The following KLHL24 variants were observed in gnomAD, a reference collection of about 807,000 sequenced individuals.
The protein encoded by KLHL24 is kelch like family member 24.
In KLHL24, 29 loss-of-function variants were observed where a neutral mutation model predicts 53.4. The observed-to-expected ratio is 0.54, with a 90% CI of 0.40 to 0.74. The LOEUF is 0.74. KLHL24 is among the 30% of genes least tolerant of loss of function. KLHL24 has a pLI of 0.00. For synonymous variants in KLHL24, 222 were observed against 253.7 expected, an observed-to-expected ratio of 0.88 and a Z score of 1.19; for missense variants, 504 against 744.0, an observed-to-expected ratio of 0.68 and a Z score of 3.75.
intron 1 of KLHL24, among the ~76,000 whole-genome samples, chr3:183,642,718 T>G (rs977790951): frequency 2.0e-5 from 3 of 151,948 alleles, no homozygotes; most frequent in Admixed American, 6.6e-5. Context: ...ATTTATATAT[T>G]AAAAGATAAA....
chr3:183,642,523 GTT>G (rs1716589728), intron 1 of KLHL24, among the ~76,000 whole-genome samples: 1 of 139,986 alleles, frequency 7.1e-6, no homozygotes. Context: ...AACCACTTGT[GTT>G]TAAATACTAT....
intron 2 of KLHL24, among the ~76,000 whole-genome samples, chr3:183,645,503 T>G (rs1717100992): frequency 6.6e-6 from 1 of 152,240 alleles, no homozygotes; most frequent in South Asian, 2.1e-4. Flanking sequence ...TATGGGCAAC[T>G]GTAACCCAAG....
chr3:183,674,808 GGTACCTT>G (rs995788418), intron 7 of KLHL24, among the ~76,000 whole-genome samples: 3 of 152,068 alleles, frequency 2.0e-5, no homozygotes, highest in Admixed American at 6.6e-5. Context: ...CTTTACCTCA[GGTACCTT>G]AAGTATCTGT....
chr3:183,653,462 T>G (rs11917105), intron 3 of KLHL24, among the ~76,000 whole-genome samples: 50,890 of 152,060 alleles, frequency 0.33, 9,373 homozygotes, highest in African/African-American at 0.49. Context: ...TTGACTTTTA[T>G]TTATGCTGCT....
intron 2 of KLHL24, among the ~76,000 whole-genome samples, chr3:183,644,835 T>C (rs1716998191): frequency 6.6e-6 from 1 of 152,256 alleles, no homozygotes; most frequent in South Asian, 2.1e-4. Context: ...TTTTTCTACT[T>C]GTCCATTCTA....
Position 183,658,261 on chromosome 3 carries a change from A to G in KLHL24, c.921-5197A>G, listed in dbSNP as rs563338588. 2.6e-5 allele frequency among the ~76,000 whole-genome samples: 4 copies of G among 151,794 alleles called. No individual in the cohort carries two copies. In the South Asian group the frequency reaches 8.3e-4, roughly 32 times the overall value. On this transcript the variant is annotated intron_variant, in intron 3 of 7. Coordinates refer to ENST00000242810, the MANE Select transcript of KLHL24 (RefSeq NM_017644.3). Reference sequence around the variant, plus strand: ...CATAGTTGTAGATGAATGCCTCCCTACTTCTTTTATGCAGATAGTAGGGTA... The same window carrying G: ...CATAGTTGTAGATGAATGCCTCCCTGCTTCTTTTATGCAGATAGTAGGGTA...
rs535397874 is a variant in KLHL24 at position 183,664,318 on chromosome 3, C to T, written c.1106-603C>T. Among the ~76,000 whole-genome samples, 26 of 152,158 alleles carry T rather than the reference C, an allele frequency of 1.7e-4. No homozygotes were observed. In the South Asian group the frequency reaches 2.7e-3, roughly 16 times the overall value. On this transcript the variant is annotated intron_variant, in intron 4 of 7. Transcript: ENST00000242810. ...TTCACCCATGTTTTCTGAAATTCTCCGCAAAGTTTATGAAATAAGATTTGC... is the reference window on the plus strand; with the variant it reads ...TTCACCCATGTTTTCTGAAATTCTCTGCAAAGTTTATGAAATAAGATTTGC...
rs775701484 is a variant in KLHL24, at chr3:183,664,949, G to T, written c.1134G>T (p.Trp378Cys). The change falls in exon 5 of 8, where the codon TGG becomes TGT. Residue 378 changes from tryptophan (W) to cysteine (C), a missense_variant. Coordinates refer to ENST00000242810, the MANE Select transcript of KLHL24 (RefSeq NM_017644.3). ...SGGRINSRDVWIYNSQLNIWI... is the reference protein window; with the variant it reads ...SGGRINSRDVCIYNSQLNIWI... ...GAAGAATCAACAGCCGTGATGTCTG[G>T]ATTTATAACTCACAGTTAAATATTT... is the stretch of plus-strand genomic sequence containing the variant. The T allele has an allele frequency of 6.2e-7, 1 of 1,611,132 alleles. No homozygotes were observed. Among genetic ancestry groups the T allele is most frequent in the African/African-American group, 1.3e-5 (1 of 75,014 alleles).
chr3:183,672,229 AT>A (rs1721424611), intron 6 of KLHL24, 66 bp from the exon 7 acceptor site: 1 of 780,430 alleles, frequency 1.3e-6, no homozygotes. Context: ...GTATTGGTAG[AT>A]TCTTTATTAA....
chr3:183,651,279 G>T lies in KLHL24; in HGVS notation c.920+3G>T. ...TCCCCAAGGACTAGGCCACGCAGGTGAGAAGACTGTTTTCAAATATAGTTA... is the reference window on the plus strand; with the variant it reads ...TCCCCAAGGACTAGGCCACGCAGGTTAGAAGACTGTTTTCAAATATAGTTA... On this transcript the variant is annotated splice_donor_region_variant and intron_variant, in intron 3 of 7. Transcript: ENST00000242810. The T allele has an allele frequency of 6.2e-7, 1 of 1,602,542 alleles. No homozygotes were observed. Among genetic ancestry groups the T allele is most frequent in the South Asian group, 1.1e-5 (1 of 89,944 alleles).
rs1718060881 is a variant in KLHL24, at chr3:183,651,143, A to G, written c.787A>G (p.Asn263Asp). 6.2e-7 allele frequency: 1 copy of G among 1,614,024 alleles called. No individual in the cohort carries two copies. Among genetic ancestry groups the G allele is most frequent in the Non-Finnish European group, 8.5e-7 (1 of 1,180,020 alleles). ...THVRLPLLHP[N>D]YFVQTVEVDQ... ...TGTGAGACTCCCTCTGTTGCATCCCAACTACTTTGTTCAAACAGTTGAAGT... is the reference window on the plus strand; with the variant it reads ...TGTGAGACTCCCTCTGTTGCATCCCGACTACTTTGTTCAAACAGTTGAAGT... Residue 263 changes from asparagine to aspartate, a missense_variant, in exon 3 of 8, where the codon AAC (asparagine) becomes GAC (aspartate). Asn to Asp is a conservative substitution (Grantham distance 23). Coordinates refer to ENST00000242810, the MANE Select transcript of KLHL24 (RefSeq NM_017644.3).
intron 3 of KLHL24, among the ~76,000 whole-genome samples, chr3:183,662,067 A>T (rs1719877825): frequency 6.6e-6 from 1 of 152,152 alleles, no homozygotes; most frequent in African/African-American, 2.4e-5. Context: ...GGAAAATAGT[A>T]AATATTACTG....
At chr3:183,665,885 C>CTTT (rs10692613) in intron 5 of KLHL24, among the ~76,000 whole-genome samples, 10 of 142,966 alleles carry the variant, frequency 7.0e-5, no homozygotes, top group African/African-American at 1.3e-4. Context: ...GAGAATCAAA[C>CTTT]TTTTTTTTTT....
intron 3 of KLHL24, among the ~76,000 whole-genome samples, chr3:183,661,627 T>G (rs912762699): frequency 6.6e-6 from 1 of 152,220 alleles, no homozygotes; most frequent in Non-Finnish European, 1.5e-5. Context: ...TTATTGGTAC[T>G]AAATGTTTTA....
intron 5 of KLHL24, among the ~76,000 whole-genome samples, chr3:183,665,673 C>A (rs1032911603): frequency 3.9e-5 from 6 of 152,112 alleles, no homozygotes; most frequent in African/African-American, 7.2e-5. Flanking sequence ...TCGCTTGAAC[C>A]CGGGAGGCGG....
Position 183,650,646 on chromosome 3 carries a change from A to C in KLHL24, c.290A>C (p.Asn97Thr), listed in dbSNP as rs202040013. ...CSSYFRAMFC[N>T]DHRESREMLV... is the part of the protein sequence containing the mutation. Reference sequence around the variant, plus strand: ...AGCTACTTCAGAGCTATGTTTTGTAATGACCACAGGGAAAGCCGAGAAATG... The same window carrying C: ...AGCTACTTCAGAGCTATGTTTTGTACTGACCACAGGGAAAGCCGAGAAATG... The change falls in exon 3 of 8, where the codon AAT (asparagine) becomes ACT (threonine). Residue 97 changes from asparagine to threonine, a missense_variant. Asn to Thr is a moderately conservative substitution (Grantham distance 65). Transcript: ENST00000242810. This position sits in a 1 kb window ranked among gnomAD's most constrained non-coding sequence, Gnocchi z 4.5. 5.0e-6 allele frequency: 8 copies of C among 1,614,050 alleles called. No homozygotes were observed. Among genetic ancestry groups the C allele is most frequent in the Non-Finnish European group, 6.8e-6 (8 of 1,180,028 alleles).
chr3:183,673,187 CAG>C (rs1438592419), intron 7 of KLHL24, among the ~76,000 whole-genome samples: 2 of 151,966 alleles, frequency 1.3e-5, no homozygotes, highest in African/African-American at 2.4e-5. Flanking sequence ...GCCTGGGCAA[CAG>C]AGTGAGACTC....
At chr3:183,655,451 C>T (rs1718712157) in intron 3 of KLHL24, among the ~76,000 whole-genome samples, 1 of 152,046 alleles carries the variant, frequency 6.6e-6, no homozygotes, top group East Asian at 1.9e-4. Context: ...CATAATGACA[C>T]CCTGTTCCTA....
At chr3:183,637,092 G>C (rs1197089373) in intron 1 of KLHL24, among the ~76,000 whole-genome samples, 1 of 152,172 alleles carries the variant, frequency 6.6e-6, no homozygotes, top group Non-Finnish European at 1.5e-5. Context: ...ACATCTTAGG[G>C]GGCCCCACGG....
Sources: allele counts gnomAD v4.1 joint callset (sites outside exome capture counted in the v4.1 genomes callset), GRCh38; gene constraint gnomAD v4.1.1; non-coding constraint Gnocchi (gnomAD v3.1); transcripts MANE v1.5; gene names NCBI Gene and HGNC (gene_info 2026-07-23, HGNC 2026-07-21).